The following FOXP1 variants were observed in gnomAD, a reference collection of about 807,000 sequenced individuals.
FOXP1 encodes forkhead box P1.
Under a neutral mutation model 98.2 loss-of-function variants are expected in FOXP1, and 15 were observed. That is an observed-to-expected ratio of 0.15 (90% CI 0.10 to 0.24). FOXP1 has a LOEUF of 0.24. Ranked by LOEUF, FOXP1 falls within the 10% of genes least tolerant of loss-of-function variation. FOXP1 has a pLI of 1.00. For synonymous variants in FOXP1, 371 were observed against 314.5 expected, an observed-to-expected ratio of 1.18 and a Z score of -1.90; for missense variants, 633 against 848.5, an observed-to-expected ratio of 0.75 and a Z score of 3.15.
intron 6 of FOXP1, among the ~76,000 whole-genome samples, chr3:71,120,078 C>A (rs914995584): frequency 4.6e-5 from 7 of 152,322 alleles, no homozygotes; most frequent in Admixed American, 2.0e-4. Flanking sequence ...TGCAGTAAAT[C>A]ATTGAGTCAG....
chr3:71,536,373 T>C (rs531526433), intron 2 of FOXP1, among the ~76,000 whole-genome samples: 2 of 152,250 alleles, frequency 1.3e-5, no homozygotes, highest in South Asian at 4.2e-4. Flanking sequence ...TCAGAGGGTC[T>C]ATGTCTTCAC....
At chr3:71,440,547 A>G (rs1233696588) in intron 3 of FOXP1, among the ~76,000 whole-genome samples, 1 of 152,044 alleles carries the variant, frequency 6.6e-6, no homozygotes, top group Admixed American at 6.6e-5. Flanking sequence ...GCATGGTGGC[A>G]CATGCCTGTA....
At chr3:71,369,376 C>T (rs1455186337) in intron 3 of FOXP1, among the ~76,000 whole-genome samples, 4 of 152,026 alleles carry the variant, frequency 2.6e-5, no homozygotes, top group Admixed American at 2.0e-4. Context: ...GGCAACAGAA[C>T]GAGACTCCGT....
intron 6 of FOXP1, among the ~76,000 whole-genome samples, chr3:71,152,007 A>G (rs764829274): frequency 1.4e-4 from 22 of 152,200 alleles, no homozygotes; most frequent in South Asian, 8.3e-4. Flanking sequence ...GTGGCAAAAG[A>G]GATTTTGCAG....
chr3:71,086,415 T>C (rs1000606571), intron 7 of FOXP1, among the ~76,000 whole-genome samples: 2 of 152,210 alleles, frequency 1.3e-5, no homozygotes, highest in Admixed American at 1.3e-4. Context: ...CGTTCTTGCT[T>C]ATGTGACAAC....
Position 71,414,441 on chromosome 3 carries a change from G to A in FOXP1, c.-167-55197C>T, listed in dbSNP as rs1225715186. On this transcript the variant is annotated intron_variant, in intron 3 of 20. Transcript: ENST00000649528. ...TCACAGATGCACTGCCCAGACCTGC[G>A]GCACCATCCACACCCACACAGCAGG... Among the ~76,000 whole-genome samples the A allele has an allele frequency of 4.6e-5, 7 of 152,292 alleles. No individual in the cohort carries two copies. The East Asian group carries it at 7.7e-4, about 17-fold the overall frequency.
At chr3:71,234,531 C>T (rs1465126937) in intron 5 of FOXP1, among the ~76,000 whole-genome samples, 1 of 152,210 alleles carries the variant, frequency 6.6e-6, no homozygotes, top group Non-Finnish European at 1.5e-5. Flanking sequence ...TTCGTCACCC[C>T]AAGGACATCC....
intron 6 of FOXP1, among the ~76,000 whole-genome samples, chr3:71,176,229 T>C (rs905428032): frequency 6.6e-6 from 1 of 152,146 alleles, no homozygotes; most frequent in Non-Finnish European, 1.5e-5. Context: ...GGAGAAAGTC[T>C]ACAGTTTAAG....
chr3:70,979,102 A>T (rs1011792253), intron 14 of FOXP1, among the ~76,000 whole-genome samples: 2 of 151,718 alleles, frequency 1.3e-5, no homozygotes, highest in East Asian at 3.9e-4. Context: ...CTCTGTCTCC[A>T]TTAACGCACA....
chr3:70,963,220 C>A (rs2033971533), intron 20 of FOXP1, among the ~76,000 whole-genome samples: 1 of 152,152 alleles, frequency 6.6e-6, no homozygotes, highest in East Asian at 1.9e-4. Flanking sequence ...AGAGTGGGTC[C>A]CCAACAAATG....
chr3:71,079,921 T>C (rs976796572), intron 7 of FOXP1, among the ~76,000 whole-genome samples: 15 of 152,216 alleles, frequency 9.9e-5, no homozygotes, highest in Non-Finnish European at 1.9e-4. Flanking sequence ...CTTAAATAAC[T>C]CACTCAGAGT....
At chr3:71,043,571 G>T (rs930930659) in intron 10 of FOXP1, among the ~76,000 whole-genome samples, 2 of 152,162 alleles carry the variant, frequency 1.3e-5, no homozygotes, top group African/African-American at 4.8e-5. Flanking sequence ...TAATAGGCTT[G>T]TCTGTTGATG....
At position 71,052,635 on chromosome 3, in the gene FOXP1, G is replaced by A; in HGVS notation, c.421-9C>T. The A allele has an allele frequency of 9.3e-7, 1 of 1,078,402 alleles. No homozygotes were observed. 66.8% of individuals were successfully genotyped at this position (1,078,402 alleles called of 1,614,324 possible). A position where few individuals can be genotyped will look rare whatever the true frequency, so the allele number is the denominator to read the frequency against. ...AACTCTTGAAGCTGCTGCTACAAAGGAAAGAGAGGACGGTAAGTAACAGAG... is the reference window on the plus strand; with the variant it reads ...AACTCTTGAAGCTGCTGCTACAAAGAAAAGAGAGGACGGTAAGTAACAGAG... On this transcript the variant is annotated splice_polypyrimidine_tract_variant and intron_variant, in intron 8 of 20. Coordinates refer to ENST00000649528, the MANE Select transcript of FOXP1 (RefSeq NM_001349338.3).
intron 7 of FOXP1, among the ~76,000 whole-genome samples, chr3:71,078,046 G>A (rs1374814149): frequency 2.0e-5 from 3 of 152,162 alleles, no homozygotes; most frequent in Non-Finnish European, 4.4e-5. Context: ...CTGTCAGGCT[G>A]CTCTCGAACT....
chr3:71,475,842 A>AAAAAAT (rs1325403394), intron 3 of FOXP1, among the ~76,000 whole-genome samples: 22 of 151,984 alleles, frequency 1.4e-4, no homozygotes, highest in Admixed American at 3.3e-4. Flanking sequence ...ACTCCACCTC[A>AAAAAAT]AAAAATAAAA....
At chr3:71,368,369 C>T (rs551733372) in intron 3 of FOXP1, among the ~76,000 whole-genome samples, 6 of 152,034 alleles carry the variant, frequency 3.9e-5, no homozygotes, top group South Asian at 2.1e-4. Flanking sequence ...TCAAGTGATC[C>T]GCCTGCTTTG....
At chr3:71,236,219 G>T (rs2066759282) in intron 5 of FOXP1, among the ~76,000 whole-genome samples, 1 of 152,152 alleles carries the variant, frequency 6.6e-6, no homozygotes. Flanking sequence ...TAAAATAGTG[G>T]GGTAGGTGCT....
chr3:71,116,714 A>C (rs905963148), intron 6 of FOXP1, among the ~76,000 whole-genome samples: 1 of 152,222 alleles, frequency 6.6e-6, no homozygotes. Flanking sequence ...CATGCTTTGA[A>C]ATCAACCACT....
intron 4 of FOXP1, among the ~76,000 whole-genome samples, chr3:71,308,710 T>C (rs2074456175): frequency 6.7e-6 from 1 of 150,196 alleles, no homozygotes; most frequent in Non-Finnish European, 1.5e-5. Flanking sequence ...ACTGGAACTG[T>C]AAAAAGGACA....
Sources: allele counts gnomAD v4.1 joint callset (sites outside exome capture counted in the v4.1 genomes callset), GRCh38; gene constraint gnomAD v4.1.1; transcripts MANE v1.5; gene names NCBI Gene and HGNC (gene_info 2026-07-23, HGNC 2026-07-21).